PTCHD4: variants seen among roughly 807,000 people sequenced by gnomAD.
PTCHD4 encodes patched domain-containing protein 4.
Under a neutral mutation model 58.1 loss-of-function variants are expected in PTCHD4, and 33 were observed. That is an observed-to-expected ratio of 0.57 (90% CI 0.43 to 0.76). PTCHD4 has a LOEUF of 0.76. Ranked by LOEUF, PTCHD4 falls within the 30% of genes least tolerant of loss-of-function variation. The pLI is 0.00. For missense variants in PTCHD4, 1,058 were observed against 1,027.1 expected (o/e 1.03, Z -0.41); for synonymous variants, 478 against 409.6 (o/e 1.17, Z -2.02).
chr6:48,042,997 T>C (rs1468012496), intron 3 of PTCHD4, among the ~76,000 whole-genome samples: 1 of 151,852 alleles, frequency 6.6e-6, no homozygotes, highest in Non-Finnish European at 1.5e-5. Flanking sequence ...CCCCAGCTAA[T>C]GTATCAAACG....
At chr6:47,953,838 A>G (rs1052628729) in intron 4 of PTCHD4, among the ~76,000 whole-genome samples, 12 of 152,218 alleles carry the variant, frequency 7.9e-5, no homozygotes, top group East Asian at 3.8e-4. Flanking sequence ...GTCTGCCAAA[A>G]TGAACTGCAG....
chr6:48,004,729 C>T (rs920507109), intron 4 of PTCHD4, among the ~76,000 whole-genome samples: 2 of 152,032 alleles, frequency 1.3e-5, no homozygotes, highest in African/African-American at 4.8e-5. Context: ...CCAGCCTGGC[C>T]AACATGGTGA....
At position 48,004,773 on chromosome 6, in the gene PTCHD4, C is replaced by T. The variant is rs144832943; in HGVS notation, c.898+3861G>A. On this transcript the variant is annotated intron_variant, in intron 4 of 4. Coordinates refer to ENST00000339488, the MANE Select transcript of PTCHD4 (RefSeq NM_001384253.1). ...CTCTACTAAAAATACAAAAATTAGC[C>T]AGGCGTGGTGGCACACGCCTATAGT... Among the ~76,000 whole-genome samples, 458 of 152,196 alleles carry T rather than the reference C, an allele frequency of 3.0e-3. 2 individuals are homozygous for T. The highest frequency in any genetic ancestry group is 5.4e-3 in the Non-Finnish European group (365 of 68,010).
At chr6:48,021,796 C>T (rs928682987) in intron 3 of PTCHD4, among the ~76,000 whole-genome samples, 1 of 152,050 alleles carries the variant, frequency 6.6e-6, no homozygotes, top group African/African-American at 2.4e-5. Context: ...AATTTTTATT[C>T]TCAAAGAAAC....
At chr6:47,910,280 A>C (rs898966922) in intron 4 of PTCHD4, among the ~76,000 whole-genome samples, 1 of 152,170 alleles carries the variant, frequency 6.6e-6, no homozygotes, top group Non-Finnish European at 1.5e-5. Context: ...CAAGACGTCC[A>C]TTGCCATATG....
At chr6:48,020,136 T>G (rs1763013389) in intron 3 of PTCHD4, among the ~76,000 whole-genome samples, 1 of 152,144 alleles carries the variant, frequency 6.6e-6, no homozygotes, top group African/African-American at 2.4e-5. Flanking sequence ...TTCGCTGCAA[T>G]GTGAAAAATG....
rs978021747 is a variant in PTCHD4 at position 47,859,893 on chromosome 6, G to C, written c.*18410C>G. 6.6e-5 allele frequency among the ~76,000 whole-genome samples: 10 copies of C among 151,984 alleles called. No individual in the cohort carries two copies. Among genetic ancestry groups the C allele is most frequent in the Non-Finnish European group, 1.3e-4 (9 of 67,960 alleles). ...AACTGCAATGACAAAAGACCAAAGG[G>C]GGTGCATGGTTGATGCAGAGAGAAC... is the stretch of plus-strand genomic sequence containing the variant. On this transcript the variant is annotated 3_prime_UTR_variant, in exon 5 of 5. Coordinates refer to ENST00000339488, the MANE Select transcript of PTCHD4 (RefSeq NM_001384253.1).
At chr6:47,954,603 A>T (rs1417747417) in intron 4 of PTCHD4, among the ~76,000 whole-genome samples, 1 of 152,220 alleles carries the variant, frequency 6.6e-6, no homozygotes, top group African/African-American at 2.4e-5. Context: ...GCATTCTTTA[A>T]GTGTTGCAGC....
intron 4 of PTCHD4, among the ~76,000 whole-genome samples, chr6:47,886,969 G>A (rs929874904): frequency 1.3e-5 from 2 of 152,108 alleles, no homozygotes; most frequent in Non-Finnish European, 2.9e-5. Context: ...GCCCGTTGGT[G>A]GGCCCATCTT....
chr6:48,042,620 C>A (rs1763885511), intron 3 of PTCHD4, among the ~76,000 whole-genome samples: 1 of 151,892 alleles, frequency 6.6e-6, no homozygotes, highest in East Asian at 1.9e-4. Flanking sequence ...CCTTTCCAAC[C>A]AAGACGCTGA....
At chr6:47,990,602 A>C (rs1394053362) in intron 4 of PTCHD4, among the ~76,000 whole-genome samples, 1 of 152,096 alleles carries the variant, frequency 6.6e-6, no homozygotes, top group Non-Finnish European at 1.5e-5. Flanking sequence ...ACCATATAAG[A>C]AGTACCTTTT....
chr6:47,960,383 T>C (rs1767035929), intron 4 of PTCHD4, among the ~76,000 whole-genome samples: 1 of 151,978 alleles, frequency 6.6e-6, no homozygotes, highest in African/African-American at 2.4e-5. Context: ...ATGCAAGTGG[T>C]TTAAATGCTC....
chr6:47,942,263 C>A (rs1020114700), intron 4 of PTCHD4, among the ~76,000 whole-genome samples: 1 of 152,146 alleles, frequency 6.6e-6, no homozygotes, highest in East Asian at 1.9e-4. Context: ...GACAATGACA[C>A]CATCACTGGC....
intron 1 of PTCHD4, among the ~76,000 whole-genome samples, chr6:48,082,589 A>G (rs1189230527): frequency 6.6e-6 from 1 of 152,186 alleles, no homozygotes; most frequent in East Asian, 1.9e-4. Flanking sequence ...ACTTTCAGTT[A>G]TACTCCCAAG....
chr6:48,084,932 C>T (rs922062185), intron 1 of PTCHD4, among the ~76,000 whole-genome samples: 14 of 151,804 alleles, frequency 9.2e-5, no homozygotes, highest in Admixed American at 7.2e-4. Flanking sequence ...TTAGTAGAGA[C>T]GGTGTTTCAC....
intron 1 of PTCHD4, among the ~76,000 whole-genome samples, chr6:48,076,933 A>G (rs1039601283): frequency 3.9e-5 from 6 of 152,192 alleles, no homozygotes; most frequent in Non-Finnish European, 8.8e-5. Flanking sequence ...ACGCTCAGCT[A>G]TTGTTATGGG....
chr6:47,883,935 A>C (rs1342104340), intron 4 of PTCHD4, among the ~76,000 whole-genome samples: 1 of 152,240 alleles, frequency 6.6e-6, no homozygotes, highest in Non-Finnish European at 1.5e-5. Flanking sequence ...GTTTCTGATT[A>C]TAAAATCAGG....
chr6:47,941,526 A>G (rs2113925582), intron 4 of PTCHD4, among the ~76,000 whole-genome samples: 1 of 152,322 alleles, frequency 6.6e-6, no homozygotes, highest in Admixed American at 6.5e-5. Flanking sequence ...GAAGTTACCC[A>G]CATGAATCCA....
In PTCHD4 at chr6:48,021,121, C is replaced by T. The variant is rs141353601; in HGVS notation, c.418-12007G>A. Among the ~76,000 whole-genome samples, 877 of 151,816 alleles carry T rather than the reference C, an allele frequency of 5.8e-3. 7 individuals are homozygous for T. Among genetic ancestry groups the T allele is most frequent in the African/African-American group, 0.018 (764 of 41,402 alleles). ...ATTTTATACTGTCTTTTAAAAAATCCTATTTTTAAAAATAGTATAAAATCT... is the reference window on the plus strand; with the variant it reads ...ATTTTATACTGTCTTTTAAAAAATCTTATTTTTAAAAATAGTATAAAATCT... On this transcript the variant is annotated intron_variant, in intron 3 of 4. Coordinates refer to ENST00000339488, the MANE Select transcript of PTCHD4 (RefSeq NM_001384253.1).
Sources: gnomAD v4.1 joint callset for allele counts (sites outside exome capture counted in the v4.1 genomes callset) on GRCh38, gnomAD v4.1.1 for gene constraint, MANE v1.5 for transcripts, NCBI Gene and HGNC (gene_info 2026-07-23, HGNC 2026-07-21) for gene names.